FXYD1: variants seen among roughly 807,000 people sequenced by gnomAD.
The protein encoded by FXYD1 is FXYD domain containing ion transport regulator 1, also known as phospholemman.
In FXYD1, 9 loss-of-function variants were observed where a neutral mutation model predicts 17.2. The ratio of observed to expected loss-of-function variants is 0.52; its 90% confidence interval spans 0.32 to 0.91. The LOEUF (loss-of-function observed/expected upper bound fraction) is 0.91, where lower values mean the gene tolerates loss of function less well. FXYD1 is among the 40% of genes least tolerant of loss of function. FXYD1 has a pLI of 0.04. For missense variants in FXYD1, 113 were observed against 120.6 expected (o/e 0.94, Z 0.29); for synonymous variants, 55 against 45.8 (o/e 1.20, Z -0.81).
chr19:35,141,238 GCCTCTCCCTGGCCCCA>G, intron 4 of FXYD1, 32 bp downstream of exon 4: 1 of 1,242,162 alleles, frequency 8.1e-7, no homozygotes, highest in Non-Finnish European at 1.1e-6. Flanking sequence ...CCTCTACCCC[GCCTCTCCCTGGCCCCA>G]CCTCTCTCTG....
At chr19:35,142,636 G>C (rs1053332864) in intron 6 of FXYD1, 84 bp from the exon 7 acceptor site, 1 of 1,545,038 alleles carries the variant, frequency 6.5e-7, no homozygotes, top group Admixed American at 1.7e-5. Context: ...CGGAGGGCGG[G>C]GAGTTGCCCC....
chr19:35,141,143 C>T lies in FXYD1; in HGVS notation c.106C>T (p.Leu36=). The change falls in exon 4 of 8, where the codon CTG becomes TTG. Residue 36 remains leucine (L), a synonymous_variant. Coordinates refer to ENST00000351325, the MANE Select transcript of FXYD1 (RefSeq NM_021902.4). ...TCTGCTGCTCACAGACTACCAGTCC[C>T]TGCAGATCGGAGGCCTCGTCATCGC... ...HDPFTYDYQS[L]QIGGLVIAGI... 1.2e-6 allele frequency: 2 copies of T among 1,607,592 alleles called. No homozygotes were observed. The highest frequency in any genetic ancestry group is 1.7e-6 in the Non-Finnish European group (2 of 1,174,512).
At chr19:35,141,644 C>T in intron 5 of FXYD1, 72 bp downstream of exon 5, 2 of 1,238,702 alleles carry the variant, frequency 1.6e-6, no homozygotes, top group African/African-American at 1.5e-5. Context: ...GCGGGGAGTA[C>T]CCCTGACCCG....
rs759226101 is a variant in FXYD1, at chr19:35,141,154, A to G, written c.117A>G (p.Gly39=). ...CAGACTACCAGTCCCTGCAGATCGG[A>G]GGCCTCGTCATCGCCGGGATCCTCT... ...FTYDYQSLQI[G]GLVIAGILFI... Residue 39 remains glycine, a synonymous_variant, in exon 4 of 8, where the codon GGA becomes GGG. Coordinates refer to ENST00000351325, the MANE Select transcript of FXYD1 (RefSeq NM_021902.4). The G allele has an allele frequency of 6.2e-7, 1 of 1,610,106 alleles. No individual in the cohort carries two copies. Among genetic ancestry groups the G allele is most frequent in the Non-Finnish European group, 8.5e-7 (1 of 1,177,158 alleles).
Position 35,143,022 on chromosome 19 carries a change from A to G in FXYD1, c.*135A>G. On this transcript the variant is annotated 3_prime_UTR_variant, in exon 8 of 8. Coordinates refer to ENST00000351325, the MANE Select transcript of FXYD1 (RefSeq NM_021902.4). The surrounding 1 kb of genome is among the most constrained non-coding windows in gnomAD (Gnocchi z 4.3). ...CCCGCAGACTCCCCCTGCCGCCAAGACTTCCAATAAAACGTGCGTTCCTCT... is the reference window on the plus strand; with the variant it reads ...CCCGCAGACTCCCCCTGCCGCCAAGGCTTCCAATAAAACGTGCGTTCCTCT... 1 of 555,258 alleles carries G rather than the reference A, an allele frequency of 1.8e-6. No homozygotes were observed. 34.4% of individuals were successfully genotyped at this position (555,258 alleles called of 1,614,324 possible). A position where few individuals can be genotyped will look rare whatever the true frequency, so the allele number is the denominator to read the frequency against.
At chr19:35,140,565 G>A in intron 2 of FXYD1, 32 bp from the exon 3 acceptor site, 1 of 1,608,712 alleles carries the variant, frequency 6.2e-7, no homozygotes, top group Non-Finnish European at 8.5e-7. Flanking sequence ...ACCCCAGGAA[G>A]CATTCAACCC....
In FXYD1 at chr19:35,139,713, C is replaced by T. The variant is rs528611527; in HGVS notation, c.-4-363C>T. The T allele has an allele frequency of 1.9e-4, 44 of 227,844 alleles. No individual in the cohort carries two copies. In the South Asian group the frequency reaches 2.8e-3, roughly 15 times the overall value. 14.1% of individuals were successfully genotyped at this position (227,844 alleles called of 1,614,324 possible). A position where few individuals can be genotyped will look rare whatever the true frequency, so the allele number is the denominator to read the frequency against. ...TAGGCAGGTGGGACTTGGGCGTGCC[C>T]TGCTGTCTCCTGCTCTGTGTTTGTG... On this transcript the variant is annotated intron_variant, in intron 1 of 7. Coordinates refer to ENST00000351325, the MANE Select transcript of FXYD1 (RefSeq NM_021902.4).
At chr19:35,140,908 C>A (rs1359347809) in intron 3 of FXYD1, 5 of 588,744 alleles carry the variant, frequency 8.5e-6, no homozygotes, top group Non-Finnish European at 1.2e-5. Context: ...CTTCTCTCCC[C>A]CCTGTCCTCC....
Position 35,142,935 on chromosome 19 carries a change from C to T in FXYD1, c.*48C>T, listed in dbSNP as rs1469445444. The T allele has an allele frequency of 6.5e-6, 4 of 614,318 alleles. No homozygotes were observed. The East Asian group carries it at 1.1e-4, about 18-fold the overall frequency. 38.1% of individuals were successfully genotyped at this position (614,318 alleles called of 1,614,324 possible). A position where few individuals can be genotyped will look rare whatever the true frequency, so the allele number is the denominator to read the frequency against. ...CTCACAGGACTCCCCTGGCACCTGA[C>T]ATCTCCCACGCTCCACCTGCGCGCC... On this transcript the variant is annotated 3_prime_UTR_variant, in exon 8 of 8. Transcript: ENST00000351325.
intron 5 of FXYD1, among the ~76,000 whole-genome samples, chr19:35,141,954 A>G (rs1293880160): frequency 6.6e-6 from 1 of 152,260 alleles, no homozygotes; most frequent in Non-Finnish European, 1.5e-5. Context: ...ATGTTAAAGC[A>G]TGGACAATGT....
intron 6 of FXYD1, 60 bp from the exon 7 acceptor site, chr19:35,142,660 C>G (rs1600488453): frequency 6.3e-7 from 1 of 1,581,102 alleles, no homozygotes; most frequent in East Asian, 2.2e-5. Context: ...GCGGGCCCCA[C>G]CTGCCCAGGA....
chr19:35,142,679 T>G, intron 6 of FXYD1, 41 bp from the exon 7 acceptor site: 1 of 1,608,796 alleles, frequency 6.2e-7, no homozygotes, highest in South Asian at 1.1e-5. Context: ...GAGCTGGGGA[T>G]GCCTCTCCAG....
chr19:35,139,893 T>A, intron 1 of FXYD1, 183 bp from the exon 2 acceptor site: 1 of 585,410 alleles, frequency 1.7e-6, no homozygotes, highest in South Asian at 1.9e-5. Flanking sequence ...TGGAGGTTGT[T>A]TTGGTGACAC....
chr19:35,140,269 C>T (rs2065239564), intron 2 of FXYD1, 129 bp downstream of exon 2: 4 of 689,598 alleles, frequency 5.8e-6, no homozygotes, highest in East Asian at 2.6e-5. Context: ...GGGGTCTCCA[C>T]GTGGGGTCCA....
chr19:35,140,054 T>A, intron 1 of FXYD1, 22 bp from the exon 2 acceptor site: 2 of 1,610,226 alleles, frequency 1.2e-6, no homozygotes, highest in Non-Finnish European at 1.7e-6. Flanking sequence ...ACACACTGCC[T>A]AATCCGTGGT....
Position 35,141,491 on chromosome 19 carries a change from C to T in FXYD1, c.170-45C>T, listed in dbSNP as rs751576323. On this transcript the variant is annotated intron_variant, in intron 4 of 7. Coordinates refer to ENST00000351325, the MANE Select transcript of FXYD1 (RefSeq NM_021902.4). The stretch of plus-strand genomic sequence containing the variant: ...TGGAGCTACAGCGCCGCTTGGCGCC[C>T]GCCGGGAGGGAGCCTCAGCTTCTCC... The T allele has an allele frequency of 3.2e-6, 5 of 1,561,572 alleles. No homozygotes were observed. The African/African-American group carries it at 6.8e-5, about 21-fold the overall frequency.
chr19:35,140,949 A>C (rs2065245938), intron 3 of FXYD1, 183 bp from the exon 4 acceptor site: 3 of 310,096 alleles, frequency 9.7e-6, no homozygotes, highest in Admixed American at 5.3e-5. Context: ...CCTTTCCTAT[A>C]CACCCCTTTC....
rs767481794 is a variant in FXYD1 at position 35,142,487 on chromosome 19, T to G, written c.222T>G (p.Asp74Glu). 1.2e-6 allele frequency: 2 copies of G among 1,612,612 alleles called. No individual in the cohort carries two copies. Among genetic ancestry groups the G allele is most frequent in the South Asian group, 2.2e-5 (2 of 91,006 alleles). ...GTCTTCCCAGGACTGGGGAACCCGA[T>G]GAAGAGGAGGGAACTTTCCGCAGCT... ...FNQQQRTGEP[D>E]EEEGTFRSSI... is the part of the protein sequence containing the mutation. Residue 74 changes from aspartate (D) to glutamate (E), a missense_variant, in exon 6 of 8, where the codon GAT becomes GAG. Asp to Glu is a conservative substitution (Grantham distance 45). Coordinates refer to ENST00000351325, the MANE Select transcript of FXYD1 (RefSeq NM_021902.4).
chr19:35,139,218 G>T (rs926452543), intron 1 of FXYD1: 6 of 152,870 alleles, frequency 3.9e-5, no homozygotes, highest in African/African-American at 1.4e-4. Flanking sequence ...GCTCCAACCA[G>T]CAGTTTGGGG....
Sources: allele counts gnomAD v4.1 joint callset (sites outside exome capture counted in the v4.1 genomes callset), GRCh38; gene constraint gnomAD v4.1.1; non-coding constraint Gnocchi (gnomAD v3.1); transcripts MANE v1.5; gene names NCBI Gene and HGNC (gene_info 2026-07-23, HGNC 2026-07-21).